The following L3MBTL3 variants were observed in gnomAD, a reference collection of about 807,000 sequenced individuals.
L3MBTL3 encodes the protein L3MBTL histone methyl-lysine binding protein 3.
Under a neutral mutation model 102.3 loss-of-function variants are expected in L3MBTL3, and 27 were observed. That is an observed-to-expected ratio of 0.26 (90% CI 0.19 to 0.36). The LOEUF (loss-of-function observed/expected upper bound fraction) is 0.36, where lower values mean the gene tolerates loss of function less well. Ranked by LOEUF, L3MBTL3 falls within the 10% of genes least tolerant of loss-of-function variation. The pLI is 1.00. For missense variants in L3MBTL3, 798 were observed against 955.3 expected (o/e 0.84, Z 2.17); for synonymous variants, 340 against 320.9 (o/e 1.06, Z -0.64).
In L3MBTL3 at chr6:130,021,400, C is replaced by G. The variant is rs572957236; in HGVS notation, c.-94-827C>G. On this transcript the variant is annotated intron_variant, in intron 1 of 22. Transcript: ENST00000361794. ...GTTTAGTAAATCGAAGCAATGAATTCTGAGGACTCAGACCCTGTAACTTCC... is the reference window on the plus strand; with the variant it reads ...GTTTAGTAAATCGAAGCAATGAATTGTGAGGACTCAGACCCTGTAACTTCC... 4.6e-5 allele frequency among the ~76,000 whole-genome samples: 7 copies of G among 152,334 alleles called. No individual in the cohort carries two copies. In the South Asian group the frequency reaches 1.5e-3, roughly 32 times the overall value.
intron 13 of L3MBTL3, 48 bp downstream of exon 13, chr6:130,071,175 A>G (rs765595374): frequency 6.8e-5 from 105 of 1,541,674 alleles, no homozygotes; most frequent in Non-Finnish European, 7.8e-5. Flanking sequence ...TATTTATCCA[A>G]GTAAATGGTT....
intron 9 of L3MBTL3, among the ~76,000 whole-genome samples, chr6:130,059,640 T>C (rs1051692324): frequency 3.3e-5 from 5 of 152,236 alleles, no homozygotes; most frequent in Admixed American, 2.6e-4. Flanking sequence ...TGCTAGAGGT[T>C]GTACCAATTT....
chr6:130,056,156 G>A (rs1435339917), intron 8 of L3MBTL3, among the ~76,000 whole-genome samples: 1 of 152,120 alleles, frequency 6.6e-6, no homozygotes, highest in East Asian at 1.9e-4. Context: ...TCGAACTCCT[G>A]ACCTCAAGCC....
rs1788252590 is a variant in L3MBTL3 at position 130,141,283 on chromosome 6, T to C, written c.*1530T>C. The C allele has an allele frequency of 6.6e-6, 1 of 152,214 alleles. No individual in the cohort carries two copies. The highest frequency in any genetic ancestry group is 2.4e-5 in the African/African-American group (1 of 41,464). The allele number at this position is 152,214 out of a possible 1,614,324, so 9.4% of individuals were successfully genotyped here. Reference sequence around the variant, plus strand: ...TTTGCCAATTCAAGGTAAAACAGGGTCAGTGACATCTGCAGTGTCCCAGTC... The same window carrying C: ...TTTGCCAATTCAAGGTAAAACAGGGCCAGTGACATCTGCAGTGTCCCAGTC... On this transcript the variant is annotated 3_prime_UTR_variant, in exon 23 of 23. Transcript: ENST00000361794.
chr6:130,123,299 C>G (rs1479289696), intron 20 of L3MBTL3, among the ~76,000 whole-genome samples: 1 of 151,872 alleles, frequency 6.6e-6, no homozygotes, highest in Non-Finnish European at 1.5e-5. Flanking sequence ...TTATTCCTTT[C>G]AAGGAACCAT....
chr6:130,114,208 A>T (rs1785522981), intron 19 of L3MBTL3, among the ~76,000 whole-genome samples: 1 of 152,166 alleles, frequency 6.6e-6, no homozygotes, highest in Non-Finnish European at 1.5e-5. Flanking sequence ...TAGTTAAAAC[A>T]CTCACAGTTC....
intron 13 of L3MBTL3, among the ~76,000 whole-genome samples, chr6:130,072,537 A>G (rs1050701513): frequency 6.6e-6 from 1 of 152,190 alleles, no homozygotes; most frequent in Non-Finnish European, 1.5e-5. Flanking sequence ...TCAGTTTATA[A>G]TAAAAGTTTT....
At chr6:130,125,096 T>G (rs1350341452) in intron 20 of L3MBTL3, among the ~76,000 whole-genome samples, 1 of 152,222 alleles carries the variant, frequency 6.6e-6, no homozygotes, top group African/African-American at 2.4e-5. Flanking sequence ...ACAGAAGTTA[T>G]GCTTAGATGC....
intron 5 of L3MBTL3, 31 bp downstream of exon 5, chr6:130,049,861 A>C (rs779745854): frequency 6.3e-7 from 1 of 1,586,960 alleles, no homozygotes; most frequent in Non-Finnish European, 8.6e-7. Flanking sequence ...CTGAAATGCA[A>C]TTCATTTTCT....
At chr6:130,058,312 G>A (rs1781659720) in intron 9 of L3MBTL3, among the ~76,000 whole-genome samples, 1 of 152,056 alleles carries the variant, frequency 6.6e-6, no homozygotes, top group Non-Finnish European at 1.5e-5. Flanking sequence ...ATGTAGTTCT[G>A]AGTAGCAGTT....
At chr6:130,069,045 A>C (rs139333689) in intron 12 of L3MBTL3, among the ~76,000 whole-genome samples, 1 of 152,346 alleles carries the variant, frequency 6.6e-6, no homozygotes, top group East Asian at 1.9e-4. Flanking sequence ...GTCAGAGCTG[A>C]GTTGGAGGAC....
chr6:130,134,978 CTGTT>C (rs1357180353), intron 22 of L3MBTL3, among the ~76,000 whole-genome samples: 1 of 150,966 alleles, frequency 6.6e-6, no homozygotes, highest in Non-Finnish European at 1.5e-5. Flanking sequence ...TATTTTCTCT[CTGTT>C]TGATCTTTAA....
chr6:130,106,355 C>A (rs894247318), intron 19 of L3MBTL3, among the ~76,000 whole-genome samples: 3 of 151,978 alleles, frequency 2.0e-5, no homozygotes, highest in African/African-American at 7.3e-5. Context: ...TTGAAAGTTC[C>A]CATCCTCTCT....
rs202023072 is a variant in L3MBTL3 at position 130,051,369 on chromosome 6, A to G, written c.410A>G (p.Asn137Ser). The G allele has an allele frequency of 3.7e-6, 6 of 1,614,120 alleles. No homozygotes were observed. In the Admixed American group the frequency reaches 8.3e-5, roughly 22 times the overall value. ...GTAGATGAGTGTCTTTCTGGAGGAAACTATTGCAGCCAGAATTGTGCTCGG... is the reference window on the plus strand; with the variant it reads ...GTAGATGAGTGTCTTTCTGGAGGAAGCTATTGCAGCCAGAATTGTGCTCGG... ...GNVDECLSGG[N>S]YCSQNCARHI... is the part of the protein sequence containing the mutation. Residue 137 changes from asparagine (N) to serine (S), a missense_variant, in exon 6 of 23, where the codon AAC (asparagine) becomes AGC (serine). By Grantham distance (46) the Asn-to-Ser change is conservative (BLOSUM62 1). Around this residue, in one of 4 missense-constraint regions of L3MBTL3, gnomAD observed 434 missense variants for 506.6 expected, o/e 0.86. Coordinates refer to ENST00000361794, the MANE Select transcript of L3MBTL3 (RefSeq NM_032438.4).
At chr6:130,130,216 A>C (rs1196722493) in intron 20 of L3MBTL3, among the ~76,000 whole-genome samples, 1 of 152,248 alleles carries the variant, frequency 6.6e-6, no homozygotes, top group Non-Finnish European at 1.5e-5. Context: ...TATTTTTCTA[A>C]GGAACAATGT....
intron 3 of L3MBTL3, 23 bp from the exon 4 acceptor site, chr6:130,049,259 C>CT: frequency 6.8e-7 from 1 of 1,464,164 alleles, no homozygotes; most frequent in Non-Finnish European, 9.5e-7. Context: ...TTAAATTTTG[C>CT]CTTTCTGCTG....
At chr6:130,088,369 C>G (rs1333187574) in intron 16 of L3MBTL3, among the ~76,000 whole-genome samples, 2 of 152,068 alleles carry the variant, frequency 1.3e-5, no homozygotes, top group Non-Finnish European at 2.9e-5. Context: ...AGGAGTTTAT[C>G]TAATAAGTGG....
chr6:130,046,015 G>C (rs977692118), intron 3 of L3MBTL3, among the ~76,000 whole-genome samples: 11 of 152,236 alleles, frequency 7.2e-5, no homozygotes, highest in Admixed American at 7.2e-4. Flanking sequence ...CTCAGCGCCA[G>C]CTGTAAGAAC....
At chr6:130,107,788 A>G (rs1205479377) in intron 19 of L3MBTL3, among the ~76,000 whole-genome samples, 3 of 152,250 alleles carry the variant, frequency 2.0e-5, no homozygotes, top group Admixed American at 1.3e-4. Context: ...GGAGGTAGAA[A>G]GTTGATGCAA....
Sources: allele counts gnomAD v4.1 joint callset (sites outside exome capture counted in the v4.1 genomes callset), GRCh38; gene constraint gnomAD v4.1.1; regional missense constraint gnomAD v4.1.1; transcripts MANE v1.5; gene names NCBI Gene and HGNC (gene_info 2026-07-23, HGNC 2026-07-21).